PDE4D: variants seen among roughly 807,000 people sequenced by gnomAD.
PDE4D encodes phosphodiesterase 4D.
PDE4D carries 24 observed loss-of-function variants against 87.4 expected under a neutral mutation model. The observed-to-expected ratio is 0.27, with a 90% CI of 0.20 to 0.39. The LOEUF (loss-of-function observed/expected upper bound fraction) is 0.39, where lower values mean the gene tolerates loss of function less well. Ranked by LOEUF, PDE4D falls within the 10% of genes least tolerant of loss-of-function variation. PDE4D has a pLI of 1.00. For missense variants in PDE4D, 714 were observed against 1,041.0 expected, an observed-to-expected ratio of 0.69 and a Z score of 4.32; for synonymous variants, 384 against 383.2, an observed-to-expected ratio of 1.00 and a Z score of -0.02.
chr5:59,470,868 T>G (rs957084794), intron 1 of PDE4D, among the ~76,000 whole-genome samples: 2 of 152,138 alleles, frequency 1.3e-5, no homozygotes, highest in Non-Finnish European at 2.9e-5. Flanking sequence ...AAATGAAATA[T>G]AACTTAAAAA....
intron 1 of PDE4D, among the ~76,000 whole-genome samples, chr5:59,514,700 A>T (rs1456758650): frequency 6.6e-6 from 1 of 152,220 alleles, no homozygotes; most frequent in Non-Finnish European, 1.5e-5. Context: ...GAATTTTATC[A>T]CTTACTAGCT....
intron 5 of PDE4D, among the ~76,000 whole-genome samples, chr5:59,129,044 A>G (rs1190273653): frequency 1.3e-5 from 2 of 152,178 alleles, no homozygotes; most frequent in African/African-American, 2.4e-5. Context: ...TTCAAAACCT[A>G]ATGACCAAAC....
At chr5:60,025,174 G>T (rs1247120027) in intron 2 of PDE4D, among the ~76,000 whole-genome samples, 1 of 152,136 alleles carries the variant, frequency 6.6e-6, no homozygotes, top group Non-Finnish European at 1.5e-5. Flanking sequence ...TACTTTATTA[G>T]TTGGCCTCAC....
chr5:59,536,196 T>G lies in PDE4D; in HGVS notation c.456-320228A>C, dbSNP rs565172632. Among the ~76,000 whole-genome samples the G allele has an allele frequency of 2.7e-4, 41 of 152,146 alleles. 1 individual carries two copies. Among genetic ancestry groups the G allele is most frequent in the African/African-American group, 8.9e-4 (37 of 41,514 alleles). On this transcript the variant is annotated intron_variant, in intron 1 of 14. Transcript: ENST00000340635. ...TATATCAAATACACATGAAGTTCTA[T>G]CTGGAAAATTTAAAAAATTAGCTTT...
At chr5:60,100,867 C>T (rs1776148147) in intron 2 of PDE4D, among the ~76,000 whole-genome samples, 1 of 152,032 alleles carries the variant, frequency 6.6e-6, no homozygotes, top group Non-Finnish European at 1.5e-5. Flanking sequence ...AAGCTGAGGC[C>T]TCACAAAGGA....
chr5:59,521,455 T>G (rs1405793932), intron 1 of PDE4D, among the ~76,000 whole-genome samples: 1 of 152,200 alleles, frequency 6.6e-6, no homozygotes, highest in Non-Finnish European at 1.5e-5. Context: ...GAGAGGATTT[T>G]TTTGTTTCCT....
chr5:60,114,728 T>C (rs1166633315), intron 2 of PDE4D, among the ~76,000 whole-genome samples: 1 of 152,124 alleles, frequency 6.6e-6, no homozygotes, highest in Non-Finnish European at 1.5e-5. Context: ...ACTTTGCTTG[T>C]TAAATCTTAC....
chr5:59,803,541 C>T (rs924357890), intron 1 of PDE4D, among the ~76,000 whole-genome samples: 1 of 152,016 alleles, frequency 6.6e-6, no homozygotes, highest in Non-Finnish European at 1.5e-5. Flanking sequence ...TCAAGTGATC[C>T]GCCTGCCTTG....
chr5:59,960,031 G>C, intron 3 of PDE4D, among the ~76,000 whole-genome samples: 1 of 151,890 alleles, frequency 6.6e-6, no homozygotes, highest in East Asian at 1.9e-4. Context: ...TTAAAATGTG[G>C]GAAAAGGTCA....
chr5:60,045,697 G>A (rs1331396774), intron 2 of PDE4D, among the ~76,000 whole-genome samples: 2 of 152,016 alleles, frequency 1.3e-5, no homozygotes, highest in Admixed American at 1.3e-4. Flanking sequence ...ATTTCTGAGG[G>A]CTCTGTTCTG....
At chr5:60,106,420 C>G (rs1243863999) in intron 2 of PDE4D, among the ~76,000 whole-genome samples, 1 of 151,610 alleles carries the variant, frequency 6.6e-6, no homozygotes, top group Non-Finnish European at 1.5e-5. Flanking sequence ...GAGACTTTAA[C>G]ACCCCACTGT....
chr5:60,416,392 C>T (rs1449117062), intron 1 of PDE4D, among the ~76,000 whole-genome samples: 2 of 152,208 alleles, frequency 1.3e-5, no homozygotes, highest in Non-Finnish European at 2.9e-5. Context: ...CTGCTGCTCA[C>T]TCTTTGGGTC....
chr5:60,517,701 G>A (rs145847774), intron 1 of PDE4D, among the ~76,000 whole-genome samples: 92 of 152,300 alleles, frequency 6.0e-4, no homozygotes, highest in African/African-American at 2.2e-3. Context: ...CCTGCAGAGA[G>A]GAGCTACCCA....
chr5:60,257,267 A>G (rs1749185717), intron 1 of PDE4D, among the ~76,000 whole-genome samples: 1 of 146,018 alleles, frequency 6.8e-6, no homozygotes, highest in South Asian at 2.1e-4. Context: ...GAAAAGAAAG[A>G]GAGAAAGAGA....
At chr5:59,448,517 T>C (rs1167275359) in intron 1 of PDE4D, among the ~76,000 whole-genome samples, 2 of 152,184 alleles carry the variant, frequency 1.3e-5, no homozygotes, top group Admixed American at 6.5e-5. Flanking sequence ...ACAGAAATAA[T>C]TGCAGCCACA....
chr5:60,050,925 T>G (rs1240724842), intron 2 of PDE4D, among the ~76,000 whole-genome samples: 1 of 151,628 alleles, frequency 6.6e-6, no homozygotes, highest in Non-Finnish European at 1.5e-5. Context: ...CCAACAAAGA[T>G]CAAAAAAAGA....
chr5:60,247,737 A>G (rs1205363600), intron 1 of PDE4D, among the ~76,000 whole-genome samples: 1 of 151,902 alleles, frequency 6.6e-6, no homozygotes, highest in African/African-American at 2.4e-5. Context: ...TCTCTCACAC[A>G]CACACACAAG....
chr5:59,397,914 A>G (rs1789790755), intron 1 of PDE4D, among the ~76,000 whole-genome samples: 1 of 121,972 alleles, frequency 8.2e-6, no homozygotes. Context: ...CAACGATCCC[A>G]CAGAAATACA....
Position 59,625,896 on chromosome 5 carries a change from C to G in PDE4D, c.455+267272G>C, listed in dbSNP as rs572824777. On this transcript the variant is annotated intron_variant, in intron 1 of 14. Coordinates refer to ENST00000340635, the MANE Select transcript of PDE4D (RefSeq NM_001104631.2). ...GAGATTGAGACCATCCTAGCTAACACGGTGAAACCCCGTCTCTACTAAAAA... is the reference window on the plus strand; with the variant it reads ...GAGATTGAGACCATCCTAGCTAACAGGGTGAAACCCCGTCTCTACTAAAAA... 2.3e-4 allele frequency among the ~76,000 whole-genome samples: 35 copies of G among 152,058 alleles called. 1 individual carries two copies. The highest frequency in any genetic ancestry group is 4.9e-4 in the Non-Finnish European group (33 of 68,006).
Sources: allele counts gnomAD v4.1 joint callset (sites outside exome capture counted in the v4.1 genomes callset), GRCh38; gene constraint gnomAD v4.1.1; transcripts MANE v1.5; gene names NCBI Gene and HGNC (gene_info 2026-07-23, HGNC 2026-07-21).